ATRN: variants seen among roughly 807,000 people sequenced by gnomAD.
The protein encoded by ATRN is attractin.
In ATRN, 54 loss-of-function variants were observed where a neutral mutation model predicts 178.7. The observed-to-expected ratio is 0.30, with a 90% CI of 0.24 to 0.38. ATRN has a LOEUF of 0.38. ATRN is among the 10% of genes least tolerant of loss of function. ATRN has a pLI of 1.00. For synonymous variants in ATRN, 636 were observed against 663.0 expected (o/e 0.96, Z 0.63); for missense variants, 1,443 against 1,815.1 (o/e 0.79, Z 3.73).
intron 7 of ATRN, among the ~76,000 whole-genome samples, chr20:3,559,754 T>G (rs1413589786): frequency 6.6e-6 from 1 of 152,042 alleles, no homozygotes; most frequent in East Asian, 1.9e-4. Context: ...GATTAGCTTT[T>G]ATTCTCATAA....
chr20:3,474,860 G>A (rs375653518), intron 1 of ATRN, among the ~76,000 whole-genome samples: 4 of 150,900 alleles, frequency 2.7e-5, no homozygotes, highest in African/African-American at 7.3e-5. Context: ...GTGAATCCCC[G>A]TCTCTACTAA....
intron 19 of ATRN, among the ~76,000 whole-genome samples, chr20:3,594,041 G>A (rs1193062991): frequency 6.6e-6 from 1 of 152,128 alleles, no homozygotes; most frequent in Non-Finnish European, 1.5e-5. Context: ...CGTGGAGAAG[G>A]CACCTCAGCC....
At chr20:3,567,292 C>G (rs986488366) in intron 11 of ATRN, among the ~76,000 whole-genome samples, 3 of 152,146 alleles carry the variant, frequency 2.0e-5, no homozygotes, top group Non-Finnish European at 4.4e-5. Flanking sequence ...CCTAGTTCTC[C>G]TAGCACAGGA....
intron 23 of ATRN, among the ~76,000 whole-genome samples, chr20:3,603,060 G>C (rs2086633438): frequency 6.9e-6 from 1 of 144,414 alleles, no homozygotes; most frequent in South Asian, 2.2e-4. Context: ...GTCTAACTCA[G>C]ACATGGAAAA....
At chr20:3,596,288 T>G (rs1908580621) in intron 20 of ATRN, 89 bp from the exon 21 acceptor site, 1 of 1,320,966 alleles carries the variant, frequency 7.6e-7, no homozygotes, top group African/African-American at 1.5e-5. Flanking sequence ...AGACTATCTG[T>G]ACTTTATATA....
In ATRN at chr20:3,647,102, C is replaced by A; in HGVS notation, c.*255C>A. Reference sequence around the variant, plus strand: ...AGGTCCAGGGATGAGCTGATGGTTGCTGGAGGAGGCCAGTGTAGAGCCAGT... The same window carrying A: ...AGGTCCAGGGATGAGCTGATGGTTGATGGAGGAGGCCAGTGTAGAGCCAGT... On this transcript the variant is annotated 3_prime_UTR_variant, in exon 29 of 29. Transcript: ENST00000262919. 1 of 359,242 alleles carries A rather than the reference C, an allele frequency of 2.8e-6. No individual in the cohort carries two copies. The highest frequency in any genetic ancestry group is 5.1e-6 in the Non-Finnish European group (1 of 197,572). The allele number at this position is 359,242 out of a possible 1,614,324, so 22.3% of individuals were successfully genotyped here. A position where few individuals can be genotyped will look rare whatever the true frequency, so the allele number is the denominator to read the frequency against.
At chr20:3,644,441 GT>G (rs1182175019) in intron 28 of ATRN, among the ~76,000 whole-genome samples, 173 bp downstream of exon 28, 1 of 152,226 alleles carries the variant, frequency 6.6e-6, no homozygotes, top group African/African-American at 2.4e-5. Flanking sequence ...GCCCAAAACT[GT>G]TTTCCCGAGG....
intron 19 of ATRN, among the ~76,000 whole-genome samples, chr20:3,592,736 C>T (rs2086467012): frequency 6.6e-6 from 1 of 152,142 alleles, no homozygotes; most frequent in Non-Finnish European, 1.5e-5. Context: ...GTGTCCCTTA[C>T]TCTCCCTGGG....
chr20:3,532,017 C>T (rs557138218), intron 1 of ATRN, among the ~76,000 whole-genome samples: 2 of 152,260 alleles, frequency 1.3e-5, no homozygotes, highest in East Asian at 3.9e-4. Context: ...GTAGTCTCAG[C>T]TACTCCAGAG....
At chr20:3,629,343 C>T (rs1244730536) in intron 25 of ATRN, 2 of 971,906 alleles carry the variant, frequency 2.1e-6, no homozygotes, top group African/African-American at 1.8e-5. Flanking sequence ...TTCTCTTCCA[C>T]ATTTCTGCTA....
At chr20:3,530,621 G>A (rs1372057829) in intron 1 of ATRN, among the ~76,000 whole-genome samples, 1 of 151,856 alleles carries the variant, frequency 6.6e-6, no homozygotes, top group East Asian at 1.9e-4. Context: ...TCTAGTAGAT[G>A]AAAATACGAG....
chr20:3,475,945 G>A (rs1241530531), intron 1 of ATRN, among the ~76,000 whole-genome samples: 1 of 152,170 alleles, frequency 6.6e-6, no homozygotes, highest in East Asian at 1.9e-4. Context: ...AGGAGTTTGA[G>A]ACCAACCTGG....
intron 1 of ATRN, among the ~76,000 whole-genome samples, chr20:3,529,394 C>T (rs976868153): frequency 5.9e-5 from 9 of 152,120 alleles, no homozygotes; most frequent in African/African-American, 1.4e-4. Context: ...AAGATTTATA[C>T]GTGTCTTAAC....
At chr20:3,603,867 C>CT (rs1205822233) in intron 23 of ATRN, among the ~76,000 whole-genome samples, 1 of 152,254 alleles carries the variant, frequency 6.6e-6, no homozygotes, top group East Asian at 1.9e-4. Context: ...TTCTTGTTGG[C>CT]TGTGTGACTT....
chr20:3,505,781 A>T (rs1336974842), intron 1 of ATRN, among the ~76,000 whole-genome samples: 2 of 152,252 alleles, frequency 1.3e-5, no homozygotes, highest in African/African-American at 4.8e-5. Flanking sequence ...ATACTAAATT[A>T]TACCATGCAA....
intron 5 of ATRN, among the ~76,000 whole-genome samples, chr20:3,548,181 A>G (rs1385804500): frequency 6.6e-6 from 1 of 152,232 alleles, no homozygotes; most frequent in African/African-American, 2.4e-5. Flanking sequence ...GATTTACCAG[A>G]AGATGGATAG....
chr20:3,584,609 A>T, intron 17 of ATRN, 38 bp from the exon 18 acceptor site: 1 of 1,458,606 alleles, frequency 6.9e-7, no homozygotes, highest in Non-Finnish European at 9.5e-7. Flanking sequence ...ATTCAGATCT[A>T]CCTGTGATAG....
Position 3,547,467 on chromosome 20 carries a change from C to T in ATRN, c.921C>T (p.Cys307=), listed in dbSNP as rs1351449101. The T allele has an allele frequency of 1.5e-5, 24 of 1,613,762 alleles. No homozygotes were observed. The highest frequency in any genetic ancestry group is 4.0e-5 in the African/African-American group (3 of 74,924). ...GCAATTCAAGTGATGTCAGAGGATG[C>T]TCCTGCTTCTCAGACTGGCAGGGTA... ...GICNSSDVRG[C]SCFSDWQGPG... is the part of the protein sequence containing the mutation. The change falls in exon 5 of 29, where the codon TGC becomes TGT. Residue 307 remains cysteine, a synonymous_variant. Coordinates refer to ENST00000262919, the MANE Select transcript of ATRN (RefSeq NM_139321.3).
chr20:3,529,062 C>A (rs1033476967), intron 1 of ATRN, among the ~76,000 whole-genome samples: 3 of 152,150 alleles, frequency 2.0e-5, no homozygotes, highest in Non-Finnish European at 2.9e-5. Context: ...GATCCACCTG[C>A]CTTGGCCTCC....
Sources: allele counts gnomAD v4.1 joint callset (sites outside exome capture counted in the v4.1 genomes callset), GRCh38; gene constraint gnomAD v4.1.1; transcripts MANE v1.5; gene names NCBI Gene and HGNC (gene_info 2026-07-23, HGNC 2026-07-21).